TRPM6: variants seen among roughly 807,000 people sequenced by gnomAD.
The protein encoded by TRPM6 is channel kinase 2.
Under a neutral mutation model 247.6 loss-of-function variants are expected in TRPM6, and 111 were observed. That is an observed-to-expected ratio of 0.45 (90% CI 0.38 to 0.52). The LOEUF is 0.52. Ranked by LOEUF, TRPM6 falls within the 20% of genes least tolerant of loss-of-function variation. The pLI, the probability that TRPM6 is intolerant of heterozygous loss-of-function variation, is 0.00. For synonymous variants in TRPM6, 892 were observed against 853.8 expected (o/e 1.04, Z -0.78); for missense variants, 2,126 against 2,421.5 (o/e 0.88, Z 2.56).
intron 18 of TRPM6, among the ~76,000 whole-genome samples, chr9:74,795,000 GATAGA>G (rs1828039146): frequency 6.6e-6 from 1 of 151,750 alleles, no homozygotes; most frequent in South Asian, 2.1e-4. Context: ...ATTATGCTCT[GATAGA>G]ATAGATTTTG....
At chr9:74,804,839 T>TA in intron 14 of TRPM6, 1 of 444,786 alleles carries the variant, frequency 2.2e-6, no homozygotes, top group Non-Finnish European at 4.0e-6. Flanking sequence ...CATCAGTTTC[T>TA]AAAAAAAGAA....
chr9:74,809,425 G>C (rs1481666544), intron 13 of TRPM6, among the ~76,000 whole-genome samples: 1 of 152,058 alleles, frequency 6.6e-6, no homozygotes. Flanking sequence ...CACAAAGCTT[G>C]GAACAAGAAA....
intron 3 of TRPM6, among the ~76,000 whole-genome samples, chr9:74,848,476 G>A (rs577414424): frequency 4.6e-5 from 7 of 152,220 alleles, no homozygotes; most frequent in South Asian, 4.1e-4. Context: ...TGAATGGCAC[G>A]CAATTTTAAA....
chr9:74,750,432 A>G (rs1044939589), intron 30 of TRPM6, among the ~76,000 whole-genome samples: 1 of 152,218 alleles, frequency 6.6e-6, no homozygotes, highest in Non-Finnish European at 1.5e-5. Context: ...AATTTGTTGT[A>G]GGAGTATGTG....
chr9:74,744,668 G>C (rs903318198), intron 31 of TRPM6, among the ~76,000 whole-genome samples: 1 of 152,302 alleles, frequency 6.6e-6, no homozygotes, highest in African/African-American at 2.4e-5. Flanking sequence ...GGTTATACAA[G>C]GACTATGTGT....
intron 2 of TRPM6, among the ~76,000 whole-genome samples, chr9:74,858,057 C>T (rs193251472): frequency 5.3e-4 from 81 of 152,208 alleles, no homozygotes; most frequent in African/African-American, 1.6e-3. Flanking sequence ...TTAACAGTGA[C>T]GGCATTAAGA....
intron 1 of TRPM6, chr9:74,875,220 C>T (rs987706576): frequency 2.2e-6 from 1 of 455,742 alleles, no homozygotes; most frequent in Non-Finnish European, 4.4e-6. Flanking sequence ...TGTTGGCCTG[C>T]ACCTTACAGC....
intron 1 of TRPM6, among the ~76,000 whole-genome samples, chr9:74,864,720 T>C (rs1184907965): frequency 6.6e-6 from 1 of 152,132 alleles, no homozygotes; most frequent in Non-Finnish European, 1.5e-5. Context: ...TTCTCCTGAG[T>C]AGTTGAGAAA....
chr9:74,798,602 A>G (rs1482813997), intron 17 of TRPM6, among the ~76,000 whole-genome samples: 2 of 152,192 alleles, frequency 1.3e-5, no homozygotes, highest in Non-Finnish European at 2.9e-5. Context: ...GAGCATTACA[A>G]TGAGTTTTCC....
At chr9:74,807,294 T>C (rs1295142932) in intron 14 of TRPM6, among the ~76,000 whole-genome samples, 1 of 152,170 alleles carries the variant, frequency 6.6e-6, no homozygotes, top group Non-Finnish European at 1.5e-5. Flanking sequence ...AAAGGTCTCC[T>C]TGTCACAGCA....
intron 2 of TRPM6, chr9:74,857,736 C>G (rs1253769802): frequency 6.6e-6 from 1 of 152,130 alleles, no homozygotes; most frequent in African/African-American, 2.4e-5. Flanking sequence ...TAGCATGGCC[C>G]CTGCTCAAGG....
chr9:74,827,411 G>T (rs1037961210), intron 7 of TRPM6, among the ~76,000 whole-genome samples: 1 of 152,104 alleles, frequency 6.6e-6, no homozygotes, highest in African/African-American at 2.4e-5. Flanking sequence ...TAAGGCAGGG[G>T]CCAACTTCGG....
chr9:74,862,845 G>A (rs893993148), intron 1 of TRPM6, among the ~76,000 whole-genome samples: 2 of 151,794 alleles, frequency 1.3e-5, no homozygotes, highest in African/African-American at 4.8e-5. Flanking sequence ...AGCTGACGTG[G>A]TGTCGGGCGC....
intron 4 of TRPM6, among the ~76,000 whole-genome samples, chr9:74,840,972 T>C (rs1241347850): frequency 6.6e-6 from 1 of 152,182 alleles, no homozygotes; most frequent in African/African-American, 2.4e-5. Context: ...ATAAATGCTA[T>C]GGCTTTCTGT....
rs1361085800 is a variant in TRPM6, at chr9:74,803,836, C to T, written c.1689G>A (p.Leu563=). 1 of 1,613,734 alleles carries T rather than the reference C, an allele frequency of 6.2e-7. No individual in the cohort carries two copies. The highest frequency in any genetic ancestry group is 8.5e-7 in the Non-Finnish European group (1 of 1,179,696). The change falls in exon 15 of 39, where the codon CTG becomes CTA. Residue 563 remains leucine, a synonymous_variant. Transcript: ENST00000360774. The part of the protein sequence containing the change: ...GNRNESAEST[L]HSQFIRTAQP... ...GTGCAGTTCTAATGAACTGGGAGTG[C>T]AGCGTACTTTCTGCAGACTCATTTC...
At chr9:74,747,956 T>G in intron 30 of TRPM6, 42 bp from the exon 31 acceptor site, 1 of 1,591,484 alleles carries the variant, frequency 6.3e-7, no homozygotes, top group Non-Finnish European at 8.6e-7. Flanking sequence ...AATGCTGCCT[T>G]AAATCTTACA....
At chr9:74,743,759 C>G (rs1825938017) in intron 32 of TRPM6, among the ~76,000 whole-genome samples, 1 of 152,210 alleles carries the variant, frequency 6.6e-6, no homozygotes, top group African/African-American at 2.4e-5. Flanking sequence ...TCAGGTCTGC[C>G]TTTTCCCCAG....
intron 5 of TRPM6, among the ~76,000 whole-genome samples, 168 bp downstream of exon 5, chr9:74,839,856 A>G (rs1186473851): frequency 2.4e-5 from 1 of 41,048 alleles, no homozygotes; most frequent in Non-Finnish European, 4.6e-5. Flanking sequence ...GAAGAGAGAG[A>G]GGAAGGAAGG....
At chr9:74,820,565 G>A in intron 8 of TRPM6, 138 bp from the exon 9 acceptor site, 2 of 1,040,056 alleles carry the variant, frequency 1.9e-6, no homozygotes, top group Non-Finnish European at 2.9e-6. Context: ...CAAATGAGGG[G>A]GAGCAAACGG....
Sources: gnomAD v4.1 joint callset for allele counts (sites outside exome capture counted in the v4.1 genomes callset) on GRCh38, gnomAD v4.1.1 for gene constraint, MANE v1.5 for transcripts, NCBI Gene and HGNC (gene_info 2026-07-23, HGNC 2026-07-21) for gene names.